Variants in GGCX observed in about 807,000 individuals in gnomAD.
The protein encoded by GGCX is vitamin K-dependent gamma-carboxylase.
Under a neutral mutation model 88.5 loss-of-function variants are expected in GGCX, and 63 were observed. The ratio of observed to expected loss-of-function variants is 0.71; its 90% CI spans 0.58 to 0.88. The LOEUF is 0.88. GGCX is among the 40% of genes least tolerant of loss of function. GGCX has a pLI of 0.00. For missense variants in GGCX, 805 were observed against 932.9 expected (o/e 0.86, Z 1.79); for synonymous variants, 368 against 365.8 (o/e 1.01, Z -0.07).
intron 4 of GGCX, among the ~76,000 whole-genome samples, chr2:85,557,196 T>C (rs1229971987): frequency 6.6e-6 from 1 of 152,202 alleles, no homozygotes; most frequent in Non-Finnish European, 1.5e-5. Context: ...AAACTCTAAA[T>C]ATTTAGTATA....
rs1692323764 is a variant in GGCX at position 85,559,032 on chromosome 2, G to A, written c.258C>T (p.Ser86=). Residue 86 remains serine (S), a synonymous_variant, in exon 3 of 15, where the codon AGC becomes AGT. Transcript: ENST00000233838. The part of the protein sequence containing the change: ...VLDIPQERGL[S]SLDRKYLDGL... ...CATCAAGGTATTTCCGGTCCAGAGA[G>A]CTGAGCCCCCGCTCCTGGGGAATGT... is the stretch of plus-strand genomic sequence containing the variant. 1 of 1,613,968 alleles carries A rather than the reference G, an allele frequency of 6.2e-7. No individual in the cohort carries two copies. The highest frequency in any genetic ancestry group is 1.3e-5 in the African/African-American group (1 of 74,934).
chr2:85,550,765 G>A lies in GGCX; in HGVS notation c.1889-15C>T. The A allele has an allele frequency of 6.2e-7, 1 of 1,612,192 alleles. No homozygotes were observed. Among genetic ancestry groups the A allele is most frequent in the Admixed American group, 1.7e-5 (1 of 60,010 alleles). On this transcript the variant is annotated splice_polypyrimidine_tract_variant and intron_variant, in intron 13 of 14. Transcript: ENST00000233838. Reference sequence around the variant, plus strand: ...AGGCCCTGTTTCTGCCCGGAAGACAGAAAAAAGAGGAATCACTGAGATGGA... The same window carrying A: ...AGGCCCTGTTTCTGCCCGGAAGACAAAAAAAAGAGGAATCACTGAGATGGA...
At chr2:85,556,408 G>A (rs1358059644) in intron 4 of GGCX, 148 bp from the exon 5 acceptor site, 2 of 675,666 alleles carry the variant, frequency 3.0e-6, no homozygotes, top group East Asian at 2.7e-5. Flanking sequence ...AATTATATGA[G>A]CAAATTCTAA....
chr2:85,559,766 C>CT (rs1304823271), intron 2 of GGCX, among the ~76,000 whole-genome samples: 1 of 152,070 alleles, frequency 6.6e-6, no homozygotes, highest in East Asian at 1.9e-4. Flanking sequence ...GCTTCTCAAC[C>CT]TTTTCTGCTT....
At chr2:85,557,927 C>T (rs1300858736) in intron 4 of GGCX, among the ~76,000 whole-genome samples, 1 of 152,184 alleles carries the variant, frequency 6.6e-6, no homozygotes, top group African/African-American at 2.4e-5. Flanking sequence ...TTCTCCACCT[C>T]CCCTTAGAGA....
rs1691771017 is a variant in GGCX, at chr2:85,548,322, C to T, written c.*1612G>A. 1 of 152,082 alleles carries T rather than the reference C, an allele frequency of 6.6e-6. No homozygotes were observed. Among genetic ancestry groups the T allele is most frequent in the African/African-American group, 2.4e-5 (1 of 41,394 alleles). The allele number at this position is 152,082 out of a possible 1,614,324, so 9.4% of individuals were successfully genotyped here. A position where few individuals can be genotyped will look rare whatever the true frequency, so the allele number is the denominator to read the frequency against. On this transcript the variant is annotated 3_prime_UTR_variant, in exon 15 of 15. Coordinates refer to ENST00000233838, the MANE Select transcript of GGCX (RefSeq NM_000821.7). ...TAGAGATAACAGCTTGGCTAAGGTA[C>T]AGAGCTGCCATTCAATAATAAAGAA...
At position 85,552,557 on chromosome 2, in the gene GGCX, T is replaced by C. The variant is rs915813197; in HGVS notation, c.1298A>G (p.Gln433Arg). 1.9e-6 allele frequency: 3 copies of C among 1,613,392 alleles called. No individual in the cohort carries two copies. Among genetic ancestry groups the C allele is most frequent in the African/African-American group, 1.3e-5 (1 of 74,898 alleles). Residue 433 changes from glutamine to arginine, a missense_variant, in exon 10 of 15, where the codon CAG becomes CGG. Around this residue, in one of 3 missense-constraint regions of GGCX, gnomAD observed 680 missense variants for 763.7 expected, o/e 0.89. Transcript: ENST00000233838. ...TGCATGATCCTTCCATCGCCGACTC[T>C]GTGTAAATACCTGCCCCAAACCCCC... is the stretch of plus-strand genomic sequence containing the variant. ...LGYLNPGVFT[Q>R]SRRWKDHADM...
At position 85,545,969 on chromosome 2, in the gene GGCX, A is replaced by T. The variant is rs747381327; in HGVS notation, c.*3965T>A. 1.7e-4 allele frequency: 26 copies of T among 152,190 alleles called. No individual in the cohort carries two copies. The highest frequency in any genetic ancestry group is 6.3e-4 in the African/African-American group (26 of 41,432). 9.4% of individuals were successfully genotyped at this position (152,190 alleles called of 1,614,324 possible). ...GGCAGGTTGTGTAGAAAATCCGCAG[A>T]CCACACTGCTCTTGAACCTAGGAGC... On this transcript the variant is annotated 3_prime_UTR_variant, in exon 15 of 15. Transcript: ENST00000233838.
chr2:85,554,110 G>C, intron 7 of GGCX, 33 bp downstream of exon 7: 4 of 1,573,532 alleles, frequency 2.5e-6, no homozygotes, highest in South Asian at 1.1e-5. Flanking sequence ...CAAAACTGTG[G>C]TTCCTGTTTC....
chr2:85,550,191 G>A (rs536256626), intron 14 of GGCX, 65 bp from the exon 15 acceptor site: 1 of 1,228,638 alleles, frequency 8.1e-7, no homozygotes, highest in East Asian at 2.3e-5. Context: ...TTCAGCTAAA[G>A]CCCTTAGAAG....
At chr2:85,556,787 C>T (rs557032091) in intron 4 of GGCX, among the ~76,000 whole-genome samples, 22 of 152,242 alleles carry the variant, frequency 1.4e-4, no homozygotes, top group African/African-American at 5.3e-4. Flanking sequence ...ACCAGATGTA[C>T]TCTGGGGAAG....
Position 85,547,436 on chromosome 2 carries a change from C to G in GGCX, c.*2498G>C, listed in dbSNP as rs1402701621. The G allele has an allele frequency of 1.3e-5, 2 of 152,186 alleles. No homozygotes were observed. The highest frequency in any genetic ancestry group is 2.9e-5 in the Non-Finnish European group (2 of 68,016). 9.4% of individuals were successfully genotyped at this position (152,186 alleles called of 1,614,324 possible). On this transcript the variant is annotated 3_prime_UTR_variant, in exon 15 of 15. Coordinates refer to ENST00000233838, the MANE Select transcript of GGCX (RefSeq NM_000821.7). Reference sequence around the variant, plus strand: ...GACCACTTTTTCTTTACACCTCACCCTACCCCAATATCTTCCTTGGGAAAA... The same window carrying G: ...GACCACTTTTTCTTTACACCTCACCGTACCCCAATATCTTCCTTGGGAAAA...
intron 7 of GGCX, 91 bp downstream of exon 7, chr2:85,554,052 A>G: frequency 9.7e-7 from 1 of 1,035,388 alleles, no homozygotes; most frequent in Non-Finnish European, 1.5e-6. Context: ...TCCTGCTCAC[A>G]CCACCCTCTC....
At chr2:85,556,105 T>C in intron 5 of GGCX, 77 bp downstream of exon 5, 1 of 866,352 alleles carries the variant, frequency 1.2e-6, no homozygotes, top group Non-Finnish European at 2.0e-6. Flanking sequence ...CAGCGGAGAG[T>C]GTAGTCTGGC....
intron 6 of GGCX, chr2:85,554,810 A>C: frequency 4.6e-6 from 1 of 215,082 alleles, no homozygotes. Flanking sequence ...ATGTTTTCTA[A>C]CATATCCTAT....
rs886056365 is a variant in GGCX, at chr2:85,547,287, A to G, written c.*2647T>C. The G allele has an allele frequency of 1.3e-5, 2 of 152,234 alleles. No homozygotes were observed. The highest frequency in any genetic ancestry group is 6.5e-5 in the Admixed American group (1 of 15,284). The allele number at this position is 152,234 out of a possible 1,614,324, so 9.4% of individuals were successfully genotyped here. A position where few individuals can be genotyped will look rare whatever the true frequency, so the allele number is the denominator to read the frequency against. On this transcript the variant is annotated 3_prime_UTR_variant, in exon 15 of 15. Transcript: ENST00000233838. ...GGGCAAAGATCCAAATCCTGAGGGT[A>G]GAATGAGGAGGATGTATACTAAAGT...
chr2:85,549,884 TG>T lies in GGCX; in HGVS notation c.*49del. On this transcript the variant is annotated 3_prime_UTR_variant, in exon 15 of 15. Transcript: ENST00000233838. ...TCAAATAAATGTCCATTGCATAGAA[TG>T]GGTCTGTGACTGGCTGCTTCTACAT... 1 of 1,183,558 alleles carries T rather than the reference TG, an allele frequency of 8.4e-7. No homozygotes were observed. 73.3% of individuals were successfully genotyped at this position (1,183,558 alleles called of 1,614,324 possible). A position where few individuals can be genotyped will look rare whatever the true frequency, so the allele number is the denominator to read the frequency against.
chr2:85,558,887 C>T, intron 3 of GGCX, 30 bp downstream of exon 3: 1 of 1,600,326 alleles, frequency 6.2e-7, no homozygotes, highest in South Asian at 1.1e-5. Context: ...TTCTGGCAGG[C>T]CAGTCAATAT....
At chr2:85,550,534 C>T (rs752706083) in intron 14 of GGCX, 21 bp downstream of exon 14, 1 of 1,586,544 alleles carries the variant, frequency 6.3e-7, no homozygotes, top group South Asian at 1.1e-5. Context: ...ATGGCAATGA[C>T]AAATATTGTT....
Sources: allele counts gnomAD v4.1 joint callset (sites outside exome capture counted in the v4.1 genomes callset), GRCh38; gene constraint gnomAD v4.1.1; regional missense constraint gnomAD v4.1.1; transcripts MANE v1.5; gene names NCBI Gene and HGNC (gene_info 2026-07-23, HGNC 2026-07-21).